Variants in PIWIL2 observed in about 807,000 individuals in gnomAD.
PIWIL2 encodes piwi like RNA-mediated gene silencing 2, also known as piwi-like protein 2.
PIWIL2 carries 81 observed loss-of-function variants against 116.5 expected under a neutral mutation model. The observed-to-expected ratio is 0.70, with a 90% CI of 0.58 to 0.84. The LOEUF (loss-of-function observed/expected upper bound fraction) is 0.84. PIWIL2 is among the 40% of genes least tolerant of loss of function. PIWIL2 has a pLI of 0.00. For missense variants in PIWIL2, 1,272 were observed against 1,212.3 expected (o/e 1.05, Z -0.73); for synonymous variants, 489 against 429.5 (o/e 1.14, Z -1.71).
At chr8:22,341,209 A>AT (rs992853255) in intron 20 of PIWIL2, among the ~76,000 whole-genome samples, 1 of 152,084 alleles carries the variant, frequency 6.6e-6, no homozygotes, top group African/African-American at 2.4e-5. Context: ...AAATCAGTTA[A>AT]TGCAATCCAT....
chr8:22,279,868 A>G (rs1399641973), intron 2 of PIWIL2, among the ~76,000 whole-genome samples: 1 of 152,178 alleles, frequency 6.6e-6, no homozygotes, highest in African/African-American at 2.4e-5. Context: ...AAGGCAGGAT[A>G]ATTGCTTGAA....
At chr8:22,331,760 G>T (rs1344959955) in intron 20 of PIWIL2, among the ~76,000 whole-genome samples, 2 of 152,026 alleles carry the variant, frequency 1.3e-5, no homozygotes. Flanking sequence ...TCTTTTGGGG[G>T]CCTTGGTCTT....
intron 20 of PIWIL2, among the ~76,000 whole-genome samples, chr8:22,340,886 A>AT (rs1171118924): frequency 1.3e-5 from 2 of 151,944 alleles, no homozygotes; most frequent in African/African-American, 2.4e-5. Flanking sequence ...TAATTTTTTA[A>AT]TTTTTTTGTA....
chr8:22,289,812 T>G, intron 8 of PIWIL2, 35 bp from the exon 9 acceptor site: 3 of 1,235,644 alleles, frequency 2.4e-6, no homozygotes, highest in Non-Finnish European at 3.6e-6. Context: ...TTATTACTCT[T>G]CTATTAGAAA....
chr8:22,341,082 A>C (rs1832097352), intron 20 of PIWIL2, among the ~76,000 whole-genome samples: 1 of 152,094 alleles, frequency 6.6e-6, no homozygotes, highest in African/African-American at 2.4e-5. Context: ...TCAGAGAATA[A>C]ATCTTTGTTG....
intron 20 of PIWIL2, among the ~76,000 whole-genome samples, chr8:22,352,244 C>G (rs1053379033): frequency 1.3e-5 from 2 of 152,200 alleles, no homozygotes; most frequent in African/African-American, 2.4e-5. Context: ...CGTGCCTGGC[C>G]CTTCTTGAAT....
chr8:22,277,949 G>A (rs993013958), intron 1 of PIWIL2, among the ~76,000 whole-genome samples: 1 of 151,574 alleles, frequency 6.6e-6, no homozygotes, highest in East Asian at 2.0e-4. Context: ...TGGGCTGATC[G>A]CCTGAGGTCG....
At chr8:22,349,356 G>A (rs951269701) in intron 20 of PIWIL2, among the ~76,000 whole-genome samples, 2 of 146,478 alleles carry the variant, frequency 1.4e-5, no homozygotes, top group Non-Finnish European at 1.5e-5. Context: ...TTTGTGCTTC[G>A]GAATATCTGT....
intron 10 of PIWIL2, among the ~76,000 whole-genome samples, chr8:22,298,879 C>T (rs1280606919): frequency 2.0e-5 from 3 of 152,062 alleles, no homozygotes; most frequent in Admixed American, 1.3e-4. Context: ...GAGAGGTATG[C>T]GTATTGGATT....
rs148037095 is a variant in PIWIL2, at chr8:22,318,212, G to T, written c.2340G>T (p.Pro780=). 1.6e-5 allele frequency: 26 copies of T among 1,613,334 alleles called. No individual in the cohort carries two copies. Among genetic ancestry groups the T allele is most frequent in the Non-Finnish European group, 2.1e-5 (25 of 1,179,500 alleles). ...KWYSRVVFQM[P]HQEIVDSLKL... is the part of the protein sequence containing the mutation. ...ATTCCCGGGTGGTGTTCCAGATGCC[G>T]CATCAGGAGATTGTGGACAGCCTGA... is the stretch of plus-strand genomic sequence containing the variant. Residue 780 remains proline (P), a synonymous_variant, in exon 20 of 23, where the codon CCG becomes CCT. Transcript: ENST00000356766.
At chr8:22,312,404 A>G (rs887983952) in intron 16 of PIWIL2, among the ~76,000 whole-genome samples, 14 of 151,938 alleles carry the variant, frequency 9.2e-5, no homozygotes, top group Admixed American at 4.6e-4. Flanking sequence ...AGCTGGAACT[A>G]CAGGCGTGGG....
intron 1 of PIWIL2, 146 bp from the exon 2 acceptor site, chr8:22,279,195 C>G: frequency 1.7e-6 from 1 of 582,550 alleles, no homozygotes; most frequent in South Asian, 2.0e-5. Context: ...TATTACAGAT[C>G]AAATAGAAGC....
intron 20 of PIWIL2, among the ~76,000 whole-genome samples, chr8:22,340,527 G>T (rs554861298): frequency 6.6e-6 from 1 of 152,178 alleles, no homozygotes; most frequent in South Asian, 2.1e-4. Flanking sequence ...CCAATGATGG[G>T]TATTACCTTA....
intron 4 of PIWIL2, among the ~76,000 whole-genome samples, chr8:22,282,271 T>TTTTTG (rs1830526162): frequency 1.2e-5 from 1 of 85,732 alleles, no homozygotes; most frequent in Admixed American, 1.6e-4. Context: ...TTTTTTTTTT[T>TTTTTG]GGAGACAGTC....
chr8:22,318,193 G>A lies in PIWIL2; in HGVS notation c.2321G>A (p.Arg774Gln), dbSNP rs771385870. 5.6e-6 allele frequency: 9 copies of A among 1,612,646 alleles called. No individual in the cohort carries two copies. The highest frequency in any genetic ancestry group is 1.3e-5 in the African/African-American group (1 of 74,870). ...INLTLTKWYSRVVFQMPHQEI... is the reference protein window; with the variant it reads ...INLTLTKWYSQVVFQMPHQEI... ...AGCACCCTCACAAAATGGTATTCCC[G>A]GGTGGTGTTCCAGATGCCGCATCAG... is the stretch of plus-strand genomic sequence containing the variant. Residue 774 changes from arginine (R) to glutamine (Q), a missense_variant, in exon 20 of 23, where the codon CGG becomes CAG. By Grantham distance (43) the Arg-to-Gln change is conservative (BLOSUM62 1). Transcript: ENST00000356766.
At chr8:22,351,180 G>C (rs887484756) in intron 20 of PIWIL2, among the ~76,000 whole-genome samples, 2 of 151,050 alleles carry the variant, frequency 1.3e-5, no homozygotes, top group African/African-American at 4.9e-5. Flanking sequence ...ATTAACTGGC[G>C]TAGTGACAAG....
chr8:22,306,873 C>A (rs940564332), intron 13 of PIWIL2, among the ~76,000 whole-genome samples: 20 of 152,132 alleles, frequency 1.3e-4, no homozygotes, highest in Non-Finnish European at 2.9e-4. Context: ...ACTTACTGAC[C>A]CTAATGACTA....
Position 22,284,160 on chromosome 8 carries a change from A to G in PIWIL2, c.633-2A>G, listed in dbSNP as rs1462168836. 1.9e-6 allele frequency: 3 copies of G among 1,543,678 alleles called. No individual in the cohort carries two copies. The highest frequency in any genetic ancestry group is 2.1e-5 in the Admixed American group (1 of 47,684). On this transcript the variant is annotated splice_acceptor_variant, in intron 5 of 22. Transcript: ENST00000356766. LOFTEE classifies it high-confidence loss of function. ...CAGTTGCTTTTTGTTTTTATTTTCTAGAGAGCTTATTGTGAAGCAAGGATC... is the reference window on the plus strand; with the variant it reads ...CAGTTGCTTTTTGTTTTTATTTTCTGGAGAGCTTATTGTGAAGCAAGGATC...
chr8:22,347,352 C>G (rs1287149674), intron 20 of PIWIL2, among the ~76,000 whole-genome samples: 3 of 151,244 alleles, frequency 2.0e-5, no homozygotes, highest in Non-Finnish European at 4.4e-5. Context: ...GTAGCTGGGA[C>G]TACAGGTGCC....
Sources: gnomAD v4.1 joint callset for allele counts (sites outside exome capture counted in the v4.1 genomes callset) on GRCh38, gnomAD v4.1.1 for gene constraint, MANE v1.5 for transcripts, NCBI Gene and HGNC (gene_info 2026-07-23, HGNC 2026-07-21) for gene names.